Variants in MYLK observed in about 807,000 individuals in gnomAD.
The protein encoded by MYLK is myosin light chain kinase, also known as myosin light chain kinase, smooth muscle.
MYLK carries 106 observed loss-of-function variants against 203.4 expected under a neutral mutation model. The observed-to-expected ratio is 0.52, with a 90% CI of 0.45 to 0.61. The LOEUF (loss-of-function observed/expected upper bound fraction) is 0.61. Among genes scored for constraint, MYLK ranks in the 20% least tolerant of loss-of-function variants. The pLI, the probability that MYLK is intolerant of heterozygous loss-of-function variation, is 0.00. For missense variants in MYLK, 2,072 were observed against 2,442.3 expected (o/e 0.85, Z 3.20); for synonymous variants, 867 against 959.5 (o/e 0.90, Z 1.78).
chr3:123,862,037 G>A (rs1042363698), intron 2 of MYLK, among the ~76,000 whole-genome samples: 30 of 152,178 alleles, frequency 2.0e-4, no homozygotes, highest in African/African-American at 7.0e-4. Context: ...AGGCCCGTGG[G>A]GGCTCCATTG....
At chr3:123,625,518 G>A (rs957440448) in intron 31 of MYLK, among the ~76,000 whole-genome samples, 1 of 150,980 alleles carries the variant, frequency 6.6e-6, no homozygotes, top group African/African-American at 2.4e-5. Context: ...CCTAAGAATT[G>A]TAATTCTAGG....
intron 3 of MYLK, chr3:123,814,132 G>A: frequency 2.8e-6 from 1 of 361,578 alleles, no homozygotes. Flanking sequence ...GACCCAGAAG[G>A]CTGCCACAGA....
At chr3:123,739,447 G>A (rs1335673685) in intron 6 of MYLK, among the ~76,000 whole-genome samples, 1 of 152,202 alleles carries the variant, frequency 6.6e-6, no homozygotes, top group Non-Finnish European at 1.5e-5. Context: ...CTGCTGGTGA[G>A]ATGCAGAAGG....
intron 20 of MYLK, among the ~76,000 whole-genome samples, chr3:123,669,275 A>G (rs182828532): frequency 9.8e-5 from 15 of 152,316 alleles, no homozygotes; most frequent in African/African-American, 3.1e-4. Context: ...TCCATCTCCA[A>G]AAAGTTACTC....
chr3:123,727,840 G>A (rs953762343), intron 11 of MYLK, among the ~76,000 whole-genome samples: 1 of 152,188 alleles, frequency 6.6e-6, no homozygotes, highest in Middle Eastern at 3.2e-3. Context: ...TGTTAGATCA[G>A]ATCCTTGTGA....
At chr3:123,634,423 C>T (rs1576381147) in intron 29 of MYLK, among the ~76,000 whole-genome samples, 2 of 152,352 alleles carry the variant, frequency 1.3e-5, no homozygotes, top group African/African-American at 4.8e-5. Context: ...GTGACCCCTC[C>T]TCAGCTGACT....
chr3:123,672,679 A>G (rs1192655911), intron 20 of MYLK, among the ~76,000 whole-genome samples: 1 of 152,262 alleles, frequency 6.6e-6, no homozygotes, highest in Non-Finnish European at 1.5e-5. Context: ...AATAGGATTG[A>G]AGGTCAAATT....
rs1417785443 is a variant in MYLK, at chr3:123,613,368, A to C, written c.*737T>G. On this transcript the variant is annotated 3_prime_UTR_variant, in exon 34 of 34. Transcript: ENST00000360304. The stretch of plus-strand genomic sequence containing the variant: ...TTTTTTTCCCATGGGTTCTTAACCA[A>C]ATGTCTGAAGCTGCTAGACATCTGC... 1 of 152,262 alleles carries C rather than the reference A, an allele frequency of 6.6e-6. No homozygotes were observed. The highest frequency in any genetic ancestry group is 1.5e-5 in the Non-Finnish European group (1 of 68,052). The allele number at this position is 152,262 out of a possible 1,614,324, so 9.4% of individuals were successfully genotyped here. A position where few individuals can be genotyped will look rare whatever the true frequency, so the allele number is the denominator to read the frequency against.
intron 4 of MYLK, among the ~76,000 whole-genome samples, chr3:123,767,606 CAAAACA>C (rs778969933): frequency 1.6e-4 from 24 of 152,106 alleles, no homozygotes; most frequent in African/African-American, 2.4e-5. Flanking sequence ...GACTCTGTCT[CAAAACA>C]AAAACAAAAA....
chr3:123,664,407 T>TGAGGCCCCTTCTCTCC, intron 22 of MYLK, 149 bp from the exon 23 acceptor site: 1 of 1,100,336 alleles, frequency 9.1e-7, no homozygotes, highest in South Asian at 1.3e-5. Flanking sequence ...CCCTTCTCCC[T>TGAGGCCCCTTCTCTCC]GAGGCCCCTT....
chr3:123,834,961 A>G (rs1224738779), intron 2 of MYLK, among the ~76,000 whole-genome samples: 1 of 152,236 alleles, frequency 6.6e-6, no homozygotes, highest in Non-Finnish European at 1.5e-5. Flanking sequence ...TTGGCTGGAC[A>G]GAGAGCTGGG....
chr3:123,638,566 G>A (rs1377112245), intron 28 of MYLK, among the ~76,000 whole-genome samples: 2 of 152,088 alleles, frequency 1.3e-5, no homozygotes, highest in Non-Finnish European at 2.9e-5. Context: ...GTACCCCACC[G>A]GCAGCTTTAC....
intron 5 of MYLK, among the ~76,000 whole-genome samples, chr3:123,742,066 A>G (rs2062871554): frequency 6.6e-6 from 1 of 152,106 alleles, no homozygotes; most frequent in African/African-American, 2.4e-5. Flanking sequence ...CAGGTTATTC[A>G]TCTTCTCTCA....
chr3:123,722,268 T>C lies in MYLK; in HGVS notation c.1664A>G (p.Gln555Arg). 6.4e-7 allele frequency: 1 copy of C among 1,568,892 alleles called. No homozygotes were observed. Among genetic ancestry groups the C allele is most frequent in the South Asian group, 1.2e-5 (1 of 85,068 alleles). Reference protein sequence around the residue: ...ITWLLNGQPIQYARSTCEAGV... With the variant: ...ITWLLNGQPIRYARSTCEAGV... ...GGCCTCGCAGGTGGAGCGAGCGTAC[T>C]GGATGGGCTGCCCTGTGGAGGAAGC... The change falls in exon 13 of 34, where the codon CAG (glutamine) becomes CGG (arginine). Residue 555 changes from glutamine (Q) to arginine (R), a missense_variant. Coordinates refer to ENST00000360304, the MANE Select transcript of MYLK (RefSeq NM_053025.4).
At chr3:123,645,464 C>A (rs544466435) in intron 27 of MYLK, among the ~76,000 whole-genome samples, 119 of 152,276 alleles carry the variant, frequency 7.8e-4, no homozygotes, top group Middle Eastern at 3.4e-3. Context: ...ACTCAACTTT[C>A]CTGGGAGAGA....
At chr3:123,632,943 G>A (rs1490101434) in intron 29 of MYLK, among the ~76,000 whole-genome samples, 1 of 151,406 alleles carries the variant, frequency 6.6e-6, no homozygotes, top group South Asian at 2.1e-4. Context: ...CCACAGGTGC[G>A]CGCCAACACA....
chr3:123,647,853 T>G (rs777965720), intron 26 of MYLK, among the ~76,000 whole-genome samples: 1 of 152,066 alleles, frequency 6.6e-6, no homozygotes, highest in Non-Finnish European at 1.5e-5. Flanking sequence ...CACCTGGCCT[T>G]TGAAGCACAT....
chr3:123,620,405 G>A (rs1323852523), intron 31 of MYLK, 69 bp from the exon 32 acceptor site: 9 of 1,609,506 alleles, frequency 5.6e-6, no homozygotes, highest in Non-Finnish European at 6.8e-6. Context: ...GCGAGGGGCT[G>A]CAGGGAGTAG....
At chr3:123,703,111 A>G (rs2061314435) in intron 16 of MYLK, among the ~76,000 whole-genome samples, 1 of 152,170 alleles carries the variant, frequency 6.6e-6, no homozygotes, top group Admixed American at 6.5e-5. Flanking sequence ...CTGGACAGGC[A>G]TCTGAGCATG....
Sources: gnomAD v4.1 joint callset for allele counts (sites outside exome capture counted in the v4.1 genomes callset) on GRCh38, gnomAD v4.1.1 for gene constraint, MANE v1.5 for transcripts, NCBI Gene and HGNC (gene_info 2026-07-23, HGNC 2026-07-21) for gene names.